PTPN21: variants seen among roughly 807,000 people sequenced by gnomAD.
PTPN21 encodes the protein protein tyrosine phosphatase non-receptor type 21.
A neutral mutation model predicts 131.8 loss-of-function variants in PTPN21; 77 were observed. That is an observed-to-expected ratio of 0.58 (90% CI 0.49 to 0.71). PTPN21 has a LOEUF of 0.71. Among genes scored for constraint, PTPN21 ranks in the 30% least tolerant of loss-of-function variants. The pLI, the probability that PTPN21 is intolerant of heterozygous loss-of-function variation, is 0.00. For missense variants in PTPN21, 1,552 were observed against 1,527.1 expected (o/e 1.02, Z -0.27); for synonymous variants, 715 against 621.3 (o/e 1.15, Z -2.24).
intron 13 of PTPN21, among the ~76,000 whole-genome samples, chr14:88,474,763 T>A (rs2077525235): frequency 6.6e-6 from 1 of 152,184 alleles, no homozygotes; most frequent in Non-Finnish European, 1.5e-5. Flanking sequence ...ATCAAGTGTT[T>A]CCTAAAATTA....
In PTPN21 at chr14:88,550,579, G is replaced by C. The variant is rs2078851324; in HGVS notation, c.-162C>G. ...CCGCTGCCGCCATTAAAAAGCAACG[G>C]AGTCTCCAATGGCCCGAGGAAGGGA... On this transcript the variant is annotated 5_prime_UTR_variant, in exon 2 of 19. Coordinates refer to ENST00000556564, the MANE Select transcript of PTPN21 (RefSeq NM_007039.4). 4 of 695,520 alleles carry C rather than the reference G, an allele frequency of 5.8e-6. No homozygotes were observed. The highest frequency in any genetic ancestry group is 9.4e-6 in the Non-Finnish European group (4 of 426,120). 43.1% of individuals were successfully genotyped at this position (695,520 alleles called of 1,614,324 possible).
chr14:88,515,361 G>A (rs2078252049), intron 3 of PTPN21: 1 of 152,074 alleles, frequency 6.6e-6, no homozygotes, highest in Non-Finnish European at 1.5e-5. Flanking sequence ...GTAAACCTAT[G>A]CCTAGATTAT....
At chr14:88,522,050 C>T (rs1355741933) in intron 2 of PTPN21, among the ~76,000 whole-genome samples, 3 of 152,150 alleles carry the variant, frequency 2.0e-5, no homozygotes, top group Non-Finnish European at 4.4e-5. Flanking sequence ...GTTGAAATTG[C>T]ATCATAATTA....
intron 8 of PTPN21, among the ~76,000 whole-genome samples, chr14:88,497,552 G>A (rs2077939931): frequency 6.6e-6 from 1 of 150,558 alleles, no homozygotes; most frequent in African/African-American, 2.4e-5. Flanking sequence ...GGTGGATCAC[G>A]AGGTCAGGAG....
In PTPN21 at chr14:88,497,210, A is replaced by G. The variant is rs772416272; in HGVS notation, c.845T>C (p.Phe282Ser). ...CCCCTAATGTTTACTCACAGTTTGA[A>G]ATTGAATGGTCTCCTCTTTATTTGC... is the stretch of plus-strand genomic sequence containing the variant. ...ELANKEETIQ[F>S]QTEDMETAKY... The change falls in exon 9 of 19, where the codon TTT (phenylalanine) becomes TCT (serine). Residue 282 changes from phenylalanine to serine, a missense_variant. Physicochemically the swap from Phe to Ser is radical, Grantham distance 155 (BLOSUM62 -2). Coordinates refer to ENST00000556564, the MANE Select transcript of PTPN21 (RefSeq NM_007039.4). 6.2e-7 allele frequency: 1 copy of G among 1,603,918 alleles called. No homozygotes were observed. The highest frequency in any genetic ancestry group is 2.2e-5 in the East Asian group (1 of 44,834).
chr14:88,517,671 C>T (rs1370614361), intron 2 of PTPN21, among the ~76,000 whole-genome samples: 5 of 7,516 alleles, frequency 6.7e-4, no homozygotes, highest in African/African-American at 8.8e-4. Flanking sequence ...CACATACACA[C>T]ACATATGTAT....
At chr14:88,552,325 C>CT (rs2078880386) in intron 1 of PTPN21, 1 of 152,220 alleles carries the variant, frequency 6.6e-6, no homozygotes, top group South Asian at 2.1e-4. Flanking sequence ...TCGGCTTTGC[C>CT]AAACTTAACA....
chr14:88,538,018 C>T, intron 2 of PTPN21, among the ~76,000 whole-genome samples: 1 of 151,956 alleles, frequency 6.6e-6, no homozygotes, highest in East Asian at 1.9e-4. Flanking sequence ...TGTCATTGAC[C>T]AAAAATGTGA....
intron 12 of PTPN21, among the ~76,000 whole-genome samples, chr14:88,481,608 C>T (rs2077654097): frequency 6.6e-6 from 1 of 152,190 alleles, no homozygotes; most frequent in African/African-American, 2.4e-5. Flanking sequence ...TGCATGAAAT[C>T]ACCATAATTC....
At chr14:88,521,566 C>CT (rs11407992) in intron 2 of PTPN21, among the ~76,000 whole-genome samples, 64,887 of 131,322 alleles carry the variant, frequency 0.49, 18,156 homozygotes, top group Middle Eastern at 0.67. Context: ...CCACGCCCAA[C>CT]TTTTTTTTTT....
At chr14:88,496,864 C>CTG (rs1332802602) in intron 9 of PTPN21, among the ~76,000 whole-genome samples, 1 of 152,160 alleles carries the variant, frequency 6.6e-6, no homozygotes, top group East Asian at 1.9e-4. Flanking sequence ...AAGCAAGTAA[C>CTG]TGTTAAATAA....
intron 15 of PTPN21, 77 bp downstream of exon 15, chr14:88,472,167 A>G (rs986517508): frequency 1.2e-6 from 1 of 826,118 alleles, no homozygotes; most frequent in Admixed American, 2.1e-5. Context: ...CTAAACAGAC[A>G]TGAATACAAT....
In PTPN21 at chr14:88,468,180, T is replaced by A. The variant is rs764571520; in HGVS notation, c.3482A>T (p.Tyr1161Phe). 10 of 1,613,626 alleles carry A rather than the reference T, an allele frequency of 6.2e-6. No homozygotes were observed. In the East Asian group the frequency reaches 2.2e-4, roughly 36 times the overall value. The change falls in exon 19 of 19, where the codon TAC (tyrosine) becomes TTC (phenylalanine). Residue 1161 changes from tyrosine (Y) to phenylalanine (F), a missense_variant. This residue lies in a region of PTPN21 where 316 missense variants were observed against 378.5 expected (regional missense o/e 0.83). Coordinates refer to ENST00000556564, the MANE Select transcript of PTPN21 (RefSeq NM_007039.4). ...TTTCAGGAACTGGATGAGGACTCTGTACACAAATGTGTACTGGCAGAGAGT... is the reference window on the plus strand; with the variant it reads ...TTTCAGGAACTGGATGAGGACTCTGAACACAAATGTGTACTGGCAGAGAGT... ...VQTLCQYTFV[Y>F]RVLIQFLKSS... is the part of the protein sequence containing the mutation.
Position 88,517,154 on chromosome 14 carries a change from G to A in PTPN21, c.288C>T (p.Thr96=), listed in dbSNP as rs954514159. Residue 96 remains threonine, a synonymous_variant, in exon 3 of 19, where the codon ACC becomes ACT. Transcript: ENST00000556564. ...KQLDKYALEP[T]VYFGVVFYVP... The stretch of plus-strand genomic sequence containing the variant: ...CATAAAACACCACTCCAAAATAGAC[G>A]GTAGGTTCCAATGCATATTTATCCA... 32 of 1,613,906 alleles carry A rather than the reference G, an allele frequency of 2.0e-5. No individual in the cohort carries two copies. The highest frequency in any genetic ancestry group is 1.6e-4 in the Middle Eastern group (1 of 6,084).
chr14:88,480,371 A>G lies in PTPN21; in HGVS notation c.1079-19T>C. ...AGGTTATCTAGAAAAAATGAGTTCA[A>G]AATGAGATTTTTTTAAATGGACTAA... On this transcript the variant is annotated intron_variant, in intron 12 of 18. Transcript: ENST00000556564. 6.4e-7 allele frequency: 1 copy of G among 1,567,906 alleles called. No individual in the cohort carries two copies. Among genetic ancestry groups the G allele is most frequent in the Non-Finnish European group, 8.7e-7 (1 of 1,144,558 alleles).
intron 2 of PTPN21, among the ~76,000 whole-genome samples, chr14:88,527,011 T>C (rs1032682554): frequency 3.9e-5 from 6 of 152,200 alleles, no homozygotes; most frequent in African/African-American, 1.4e-4. Context: ...TTCCATGGTG[T>C]GTGCGTGTTT....
intron 2 of PTPN21, among the ~76,000 whole-genome samples, chr14:88,541,461 C>T (rs1372250490): frequency 8.5e-5 from 13 of 152,158 alleles, no homozygotes; most frequent in Admixed American, 8.5e-4. Flanking sequence ...AAGAATGATA[C>T]AGAGGGCTCA....
chr14:88,537,256 C>T (rs2078644050), intron 2 of PTPN21, among the ~76,000 whole-genome samples: 2 of 152,054 alleles, frequency 1.3e-5, no homozygotes. Flanking sequence ...TAGCATTTAT[C>T]TTTAAGGAAG....
At chr14:88,484,853 C>G (rs893154001) in intron 12 of PTPN21, among the ~76,000 whole-genome samples, 32 of 152,026 alleles carry the variant, frequency 2.1e-4, no homozygotes, top group African/African-American at 7.7e-4. Context: ...CGCCACTGCA[C>G]TCTAGCCTGG....
Sources: gnomAD v4.1 joint callset for allele counts (sites outside exome capture counted in the v4.1 genomes callset) on GRCh38, gnomAD v4.1.1 for gene constraint, gnomAD v4.1.1 regional missense constraint, MANE v1.5 for transcripts, NCBI Gene and HGNC (gene_info 2026-07-23, HGNC 2026-07-21) for gene names.